Variants in PRKCE observed in about 807,000 individuals in gnomAD.
PRKCE encodes protein kinase C epsilon type.
A neutral mutation model predicts 85.4 loss-of-function variants in PRKCE; 16 were observed. The ratio of observed to expected loss-of-function variants is 0.19; its 90% confidence interval spans 0.13 to 0.28. The LOEUF (loss-of-function observed/expected upper bound fraction) is 0.28. Ranked by LOEUF, PRKCE falls within the 10% of genes least tolerant of loss-of-function variation. PRKCE has a pLI of 1.00. For synonymous variants in PRKCE, 388 were observed against 371.5 expected, an observed-to-expected ratio of 1.04 and a Z score of -0.51; for missense variants, 573 against 975.2, an observed-to-expected ratio of 0.59 and a Z score of 5.49.
chr2:45,814,388 C>T, intron 1 of PRKCE, among the ~76,000 whole-genome samples: 1 of 152,218 alleles, frequency 6.6e-6, no homozygotes, highest in East Asian at 1.9e-4. Context: ...TGCTCCCTGC[C>T]TGGAAGGCAG....
intron 1 of PRKCE, among the ~76,000 whole-genome samples, chr2:45,719,484 G>A (rs964701796): frequency 6.6e-6 from 1 of 152,162 alleles, no homozygotes; most frequent in East Asian, 1.9e-4. Context: ...ACTGTTTGGG[G>A]CTCCTTCCCT....
rs575516856 is a variant in PRKCE, at chr2:46,048,086, C to A, written c.1437+37569C>A. Among the ~76,000 whole-genome samples the A allele has an allele frequency of 3.3e-5, 5 of 150,048 alleles. No homozygotes were observed. In the South Asian group the frequency reaches 1.0e-3, roughly 31 times the overall value. ...TCTAAACAGCGTGTCAAGGACTCCA[C>A]AAATGAGCCTGCCTGCCACCCCTCC... On this transcript the variant is annotated intron_variant, in intron 10 of 14. Transcript: ENST00000306156.
chr2:45,997,245 TGCTCTTTACAAAGAACCA>T (rs1446407365), intron 6 of PRKCE, among the ~76,000 whole-genome samples: 1 of 152,126 alleles, frequency 6.6e-6, no homozygotes, highest in African/African-American at 2.4e-5. Flanking sequence ...TTGAGTCTAT[TGCTCTTTACAAAGAACCA>T]GCTTTTTGTT....
chr2:46,143,144 G>A (rs1189479781), intron 11 of PRKCE, among the ~76,000 whole-genome samples: 1 of 152,150 alleles, frequency 6.6e-6, no homozygotes, highest in Non-Finnish European at 1.5e-5. Context: ...GTTGCCACAT[G>A]TGCTCCTCCT....
At chr2:46,179,285 T>C (rs2104708957) in intron 14 of PRKCE, among the ~76,000 whole-genome samples, 1 of 152,246 alleles carries the variant, frequency 6.6e-6, no homozygotes, top group Middle Eastern at 3.4e-3. Flanking sequence ...GTCAGCACAG[T>C]GAGGGCTGTG....
In PRKCE at chr2:45,984,494, A is replaced by G. The variant is rs1703153293; in HGVS notation, c.694-57A>G. The G allele has an allele frequency of 8.3e-6, 13 of 1,573,698 alleles. No homozygotes were observed. In the South Asian group the frequency reaches 1.1e-4, roughly 14 times the overall value. On this transcript the variant is annotated intron_variant, in intron 5 of 14. Coordinates refer to ENST00000306156, the MANE Select transcript of PRKCE (RefSeq NM_005400.3). ...AAGTTCTTTGAGAGTTCCGTTGACA[A>G]GTCTTCTGGGGAACTGAGGAGCTCG...
chr2:46,054,847 G>A (rs1349277288), intron 10 of PRKCE, among the ~76,000 whole-genome samples: 1 of 152,102 alleles, frequency 6.6e-6, no homozygotes, highest in Non-Finnish European at 1.5e-5. Flanking sequence ...GCAGAGAGAA[G>A]AAGCAGCTGT....
At chr2:45,681,156 G>A (rs1249662664) in intron 1 of PRKCE, among the ~76,000 whole-genome samples, 2 of 151,820 alleles carry the variant, frequency 1.3e-5, no homozygotes, top group African/African-American at 4.8e-5. Context: ...GGGTGTGGTA[G>A]CATGCACCTG....
chr2:45,978,813 G>A (rs1218887092), intron 3 of PRKCE, among the ~76,000 whole-genome samples, 163 bp from the exon 4 acceptor site: 1 of 152,230 alleles, frequency 6.6e-6, no homozygotes, highest in African/African-American at 2.4e-5. Flanking sequence ...TCTGGAAGGA[G>A]ACATTTAAGG....
chr2:45,977,330 G>A (rs1321947321), intron 3 of PRKCE, among the ~76,000 whole-genome samples: 2 of 152,028 alleles, frequency 1.3e-5, no homozygotes. Flanking sequence ...CCTAGGATTT[G>A]TTAGAAAATC....
In PRKCE at chr2:46,001,709, AG is replaced by A. The variant is rs1477619109; in HGVS notation, c.966+165del. Among the ~76,000 whole-genome samples the A allele has an allele frequency of 2.6e-5, 4 of 152,226 alleles. No homozygotes were observed. The highest frequency in any genetic ancestry group is 9.6e-5 in the African/African-American group (4 of 41,466). ...AAAAAAACAAAGATAGAAGCCAGGC[AG>A]GTAACATTAATGTCTTCTTGAGCTC... On this transcript the variant is annotated intron_variant, in intron 7 of 14. Coordinates refer to ENST00000306156, the MANE Select transcript of PRKCE (RefSeq NM_005400.3). The surrounding 1 kb of genome is among the most constrained non-coding windows in gnomAD (Gnocchi z 4.4).
intron 1 of PRKCE, among the ~76,000 whole-genome samples, chr2:45,753,651 C>A (rs1201328399): frequency 1.3e-5 from 2 of 152,068 alleles, no homozygotes; most frequent in African/African-American, 2.4e-5. Flanking sequence ...TCTTCCCTTC[C>A]TGGAGCTTTA....
chr2:45,945,310 A>G (rs528196134), intron 2 of PRKCE, among the ~76,000 whole-genome samples: 11 of 152,160 alleles, frequency 7.2e-5, no homozygotes, highest in African/African-American at 2.6e-4. Context: ...GAAGCTTACG[A>G]TCATGGCAGA....
intron 10 of PRKCE, among the ~76,000 whole-genome samples, chr2:46,047,014 G>T (rs115490449): frequency 0.021 from 3,149 of 152,306 alleles, 37 homozygotes; most frequent in Middle Eastern, 0.048. Context: ...TGATCAGCCT[G>T]CTCTCTGTCC....
intron 1 of PRKCE, among the ~76,000 whole-genome samples, chr2:45,743,822 A>C (rs1227426853): frequency 6.6e-6 from 1 of 152,114 alleles, no homozygotes. Context: ...TGGTTCCTAC[A>C]GATGTTCTGT....
chr2:45,744,481 CTTTCTTTTTCTTTCTTTCTT>C lies in PRKCE; in HGVS notation c.348+92036_348+92055del, dbSNP rs1558623781. Among the ~76,000 whole-genome samples, 379 of 42,974 alleles carry C rather than the reference CTTTCTTTTTCTTTCTTTCTT, an allele frequency of 8.8e-3. 12 individuals are homozygous for C. The highest frequency in any genetic ancestry group is 0.025 in the African/African-American group (278 of 10,910). 28.2% of individuals were successfully genotyped at this position (42,974 alleles called of 152,430 possible). A position where few individuals can be genotyped will look rare whatever the true frequency, so the allele number is the denominator to read the frequency against. On this transcript the variant is annotated intron_variant, in intron 1 of 14. Coordinates refer to ENST00000306156, the MANE Select transcript of PRKCE (RefSeq NM_005400.3). ...TCTTTCTTTCTTTCTTTCTTTCTTT[CTTTCTTTTTCTTTCTTTCTT>C]TTCTTTCTTTCTTTCTTTCTTTCTT... is the stretch of plus-strand genomic sequence containing the variant.
At chr2:45,730,192 C>T (rs1407621931) in intron 1 of PRKCE, among the ~76,000 whole-genome samples, 3 of 152,144 alleles carry the variant, frequency 2.0e-5, no homozygotes, top group African/African-American at 7.2e-5. Context: ...GACAGGGTTC[C>T]GCTCTGTCAC....
chr2:46,133,313 C>T (rs1674645626), intron 11 of PRKCE, among the ~76,000 whole-genome samples: 1 of 152,128 alleles, frequency 6.6e-6, no homozygotes, highest in South Asian at 2.1e-4. Flanking sequence ...GAGGTGAAAC[C>T]AGCAATCCTT....
At chr2:45,758,814 T>A (rs1302652108) in intron 1 of PRKCE, among the ~76,000 whole-genome samples, 1 of 152,138 alleles carries the variant, frequency 6.6e-6, no homozygotes, top group African/African-American at 2.4e-5. Context: ...ACTAGAAGAT[T>A]TATTAGGCTG....
Sources: gnomAD v4.1 joint callset for allele counts (sites outside exome capture counted in the v4.1 genomes callset) on GRCh38, gnomAD v4.1.1 for gene constraint, Gnocchi (gnomAD v3.1) non-coding constraint, MANE v1.5 for transcripts, NCBI Gene and HGNC (gene_info 2026-07-23, HGNC 2026-07-21) for gene names.